The following SNTG1 variants were observed in gnomAD, a reference collection of about 807,000 sequenced individuals.
The protein encoded by SNTG1 is gamma-1-syntrophin.
In SNTG1, 39 loss-of-function variants were observed where a neutral mutation model predicts 74.7. The ratio of observed to expected loss-of-function variants is 0.52; its 90% confidence interval spans 0.40 to 0.68. The LOEUF (loss-of-function observed/expected upper bound fraction) is 0.68, where lower values mean the gene tolerates loss of function less well. Among genes scored for constraint, SNTG1 ranks in the 30% least tolerant of loss-of-function variants. The probability of loss-of-function intolerance (pLI) is 0.00; values close to 1 mark genes in which losing one functional copy is unlikely to be tolerated. For missense variants in SNTG1, 685 were observed against 609.5 expected (o/e 1.12, Z -1.30); for synonymous variants, 254 against 217.1 (o/e 1.17, Z -1.49).
intron 2 of SNTG1, among the ~76,000 whole-genome samples, chr8:50,360,111 A>G (rs2091918176): frequency 6.6e-6 from 1 of 152,132 alleles, no homozygotes. Flanking sequence ...CTAACAGTTC[A>G]TGCAGACCCA....
intron 1 of SNTG1, among the ~76,000 whole-genome samples, chr8:49,997,394 T>A (rs1814330331): frequency 1.3e-5 from 2 of 152,172 alleles, no homozygotes; most frequent in East Asian, 1.9e-4. Context: ...TCAAAAAAGC[T>A]AAAAATTAAT....
chr8:50,413,449 T>G (rs1248338812), intron 4 of SNTG1, among the ~76,000 whole-genome samples: 2 of 152,208 alleles, frequency 1.3e-5, no homozygotes, highest in Non-Finnish European at 2.9e-5. Context: ...CATCTATCTA[T>G]TTTTTCTTTG....
At position 50,523,113 on chromosome 8, in the gene SNTG1, T is replaced by G. The variant is rs145741585; in HGVS notation, c.467-7064T>G. 7.3e-3 allele frequency among the ~76,000 whole-genome samples: 1,105 copies of G among 152,290 alleles called. 3 individuals carry two copies. Among genetic ancestry groups the G allele is most frequent in the Non-Finnish European group, 0.012 (799 of 68,018 alleles). On this transcript the variant is annotated intron_variant, in intron 9 of 18. Transcript: ENST00000642720. ...GCAACATTTGCTATCTTCAAACTTT[T>G]TTTTCTGTACCTTCCTCACCTCTCA...
chr8:50,638,163 C>G (rs2095050815), intron 13 of SNTG1, among the ~76,000 whole-genome samples: 1 of 151,978 alleles, frequency 6.6e-6, no homozygotes, highest in Non-Finnish European at 1.5e-5. Flanking sequence ...TCTCTAGAAA[C>G]TAGAAAACAA....
chr8:50,408,085 A>G (rs1356276144), intron 4 of SNTG1, among the ~76,000 whole-genome samples: 1 of 152,176 alleles, frequency 6.6e-6, no homozygotes, highest in Non-Finnish European at 1.5e-5. Context: ...AAGCAATTAT[A>G]AAAAGCAAGC....
chr8:50,619,589 G>A (rs1369274623), intron 13 of SNTG1, among the ~76,000 whole-genome samples: 2 of 151,968 alleles, frequency 1.3e-5, no homozygotes, highest in Non-Finnish European at 1.5e-5. Context: ...AAATTAGCTG[G>A]GCGTGGTGGC....
chr8:50,365,426 T>C (rs976027642), intron 2 of SNTG1, among the ~76,000 whole-genome samples: 1 of 152,126 alleles, frequency 6.6e-6, no homozygotes, highest in Non-Finnish European at 1.5e-5. Context: ...TATACAAATA[T>C]GTTTATTTGA....
At chr8:49,989,635 G>A (rs1813494369) in intron 1 of SNTG1, among the ~76,000 whole-genome samples, 1 of 151,690 alleles carries the variant, frequency 6.6e-6, no homozygotes, top group South Asian at 2.1e-4. Context: ...CAAAAACCAG[G>A]CAAAAACATT....
intron 9 of SNTG1, among the ~76,000 whole-genome samples, chr8:50,507,116 T>C (rs1169461840): frequency 6.6e-6 from 1 of 152,026 alleles, no homozygotes; most frequent in Non-Finnish European, 1.5e-5. Context: ...GTTATTGTGA[T>C]GTGTTAATTA....
intron 2 of SNTG1, among the ~76,000 whole-genome samples, chr8:50,175,899 C>T (rs1216560182): frequency 6.6e-6 from 1 of 151,934 alleles, no homozygotes; most frequent in Non-Finnish European, 1.5e-5. Context: ...CATATTTGCC[C>T]ACATTTAAAG....
chr8:50,613,263 T>C (rs1355459432), intron 13 of SNTG1, among the ~76,000 whole-genome samples: 1 of 152,142 alleles, frequency 6.6e-6, no homozygotes, highest in East Asian at 1.9e-4. Context: ...ACGTAGGGTA[T>C]TGATGGCTCA....
intron 2 of SNTG1, among the ~76,000 whole-genome samples, chr8:50,236,379 T>A (rs561647230): frequency 5.9e-5 from 9 of 152,164 alleles, no homozygotes; most frequent in African/African-American, 2.2e-4. Flanking sequence ...TTCCGGTGCA[T>A]CATTTTTATA....
intron 18 of SNTG1, among the ~76,000 whole-genome samples, chr8:50,785,741 TG>T (rs144383356): frequency 0.097 from 14,719 of 151,994 alleles, 772 homozygotes; most frequent in Middle Eastern, 0.13. Flanking sequence ...GTATCCCTAA[TG>T]GGGGTAGATG....
intron 2 of SNTG1, among the ~76,000 whole-genome samples, chr8:50,328,272 CTTTTGAAGGATAA>C (rs1222804121): frequency 3.9e-5 from 6 of 152,144 alleles, no homozygotes; most frequent in African/African-American, 1.4e-4. Flanking sequence ...TTAGCTTTCA[CTTTTGAAGGATAA>C]TTTTGCAAGA....
chr8:50,390,821 T>C (rs1357864881), intron 2 of SNTG1, among the ~76,000 whole-genome samples: 2 of 152,222 alleles, frequency 1.3e-5, no homozygotes, highest in Non-Finnish European at 2.9e-5. Flanking sequence ...TATTTTATTC[T>C]CTTTGAAGCA....
At chr8:50,772,806 G>T (rs548029652) in intron 18 of SNTG1, among the ~76,000 whole-genome samples, 1 of 152,198 alleles carries the variant, frequency 6.6e-6, no homozygotes, top group Admixed American at 6.5e-5. Context: ...TGCTGCAAAG[G>T]TGGGTGAGAT....
At chr8:50,246,551 A>G (rs1334221500) in intron 2 of SNTG1, among the ~76,000 whole-genome samples, 1 of 151,358 alleles carries the variant, frequency 6.6e-6, no homozygotes, top group Non-Finnish European at 1.5e-5. Context: ...AGTCAGAAGG[A>G]GCCAAATCAG....
intron 15 of SNTG1, among the ~76,000 whole-genome samples, chr8:50,685,734 C>T (rs539994558): frequency 1.3e-5 from 2 of 152,240 alleles, no homozygotes; most frequent in Non-Finnish European, 2.9e-5. Flanking sequence ...TCACTGAATT[C>T]AGACACTTTT....
chr8:50,133,843 C>G (rs897838059), intron 1 of SNTG1, among the ~76,000 whole-genome samples: 66 of 152,280 alleles, frequency 4.3e-4, no homozygotes, highest in African/African-American at 1.5e-3. Flanking sequence ...AGTTTACATT[C>G]TGTGGTACTA....
Sources: allele counts gnomAD v4.1 joint callset (sites outside exome capture counted in the v4.1 genomes callset), GRCh38; gene constraint gnomAD v4.1.1; transcripts MANE v1.5; gene names NCBI Gene and HGNC (gene_info 2026-07-23, HGNC 2026-07-21).